GRM5: variants seen among roughly 807,000 people sequenced by gnomAD.
GRM5 encodes metabotropic glutamate receptor 5.
GRM5 carries 19 observed loss-of-function variants against 83.1 expected under a neutral mutation model. That is an observed-to-expected ratio of 0.23 (90% CI 0.16 to 0.34). GRM5 has a LOEUF of 0.34. GRM5 is among the 10% of genes least tolerant of loss of function. The pLI is 1.00. For synonymous variants in GRM5, 675 were observed against 633.6 expected, an observed-to-expected ratio of 1.07 and a Z score of -0.98; for missense variants, 1,160 against 1,588.3, an observed-to-expected ratio of 0.73 and a Z score of 4.58.
intron 8 of GRM5, among the ~76,000 whole-genome samples, chr11:88,526,203 T>C (rs1166683187): frequency 6.6e-6 from 1 of 152,214 alleles, no homozygotes; most frequent in Non-Finnish European, 1.5e-5. Context: ...GCTTTGAAGA[T>C]ACCAGATATT....
chr11:88,531,803 T>C (rs1013495384), intron 8 of GRM5, among the ~76,000 whole-genome samples: 4 of 152,098 alleles, frequency 2.6e-5, no homozygotes, highest in African/African-American at 7.2e-5. Context: ...TTCCAATAGA[T>C]AAAATTGTCT....
intron 3 of GRM5, among the ~76,000 whole-genome samples, chr11:88,827,033 T>C (rs928078525): frequency 2.6e-5 from 4 of 152,210 alleles, no homozygotes; most frequent in Non-Finnish European, 5.9e-5. Context: ...TTATTTGTAA[T>C]GGAGTATTTT....
At chr11:88,585,815 A>G (rs997506543) in intron 7 of GRM5, among the ~76,000 whole-genome samples, 1 of 152,186 alleles carries the variant, frequency 6.6e-6, no homozygotes, top group African/African-American at 2.4e-5. Flanking sequence ...ATTTACTGCT[A>G]GCATAGGTAC....
chr11:88,786,479 T>C (rs1943070586), intron 3 of GRM5, among the ~76,000 whole-genome samples: 1 of 152,126 alleles, frequency 6.6e-6, no homozygotes, highest in African/African-American at 2.4e-5. Context: ...TCTACTCTCT[T>C]TAGCTTTTTG....
At chr11:88,890,826 T>C (rs976829208) in intron 2 of GRM5, among the ~76,000 whole-genome samples, 2 of 152,042 alleles carry the variant, frequency 1.3e-5, no homozygotes, top group African/African-American at 4.8e-5. Flanking sequence ...TCTCAACAAA[T>C]GTAAAACTTG....
intron 2 of GRM5, among the ~76,000 whole-genome samples, chr11:88,930,663 T>A (rs1186981561): frequency 6.6e-6 from 1 of 152,030 alleles, no homozygotes; most frequent in Non-Finnish European, 1.5e-5. Flanking sequence ...TTCTCCTGCC[T>A]CAGCTTCCTG....
chr11:89,053,468 A>C (rs557730994), intron 1 of GRM5, among the ~76,000 whole-genome samples: 1 of 152,338 alleles, frequency 6.6e-6, no homozygotes, highest in East Asian at 1.9e-4. Context: ...AATAGACCTG[A>C]AAGGAATACA....
intron 1 of GRM5, among the ~76,000 whole-genome samples, chr11:89,057,606 A>G (rs114361285): frequency 0.018 from 2,734 of 152,326 alleles, 80 homozygotes; most frequent in African/African-American, 0.063. Flanking sequence ...AGCCTTCTGC[A>G]GCAAAGCAAT....
intron 8 of GRM5, among the ~76,000 whole-genome samples, chr11:88,531,933 C>G (rs1465482101): frequency 1.3e-5 from 2 of 151,976 alleles, no homozygotes; most frequent in Non-Finnish European, 2.9e-5. Flanking sequence ...GTTTTCCATT[C>G]CTAAGCTAGC....
intron 3 of GRM5, among the ~76,000 whole-genome samples, chr11:88,744,070 C>T (rs118022648): frequency 7.1e-4 from 108 of 152,210 alleles, no homozygotes; most frequent in Middle Eastern, 3.4e-3. Context: ...CATCCTATAT[C>T]ACAATTTTAA....
At chr11:88,967,272 T>C (rs868386167) in intron 2 of GRM5, among the ~76,000 whole-genome samples, 6 of 138,738 alleles carry the variant, frequency 4.3e-5, no homozygotes, top group Non-Finnish European at 7.5e-5. Flanking sequence ...TATATATATA[T>C]ATATAAAATC....
intron 2 of GRM5, among the ~76,000 whole-genome samples, chr11:88,969,732 A>T (rs1206521329): frequency 6.6e-6 from 1 of 152,104 alleles, no homozygotes; most frequent in Non-Finnish European, 1.5e-5. Flanking sequence ...GAAGAAATAA[A>T]CTGATGTCAA....
chr11:88,702,972 C>T (rs572632568), intron 3 of GRM5, among the ~76,000 whole-genome samples: 10 of 152,002 alleles, frequency 6.6e-5, no homozygotes, highest in South Asian at 4.1e-4. Context: ...TTAAGCCATT[C>T]GATCGGTGAT....
At chr11:89,034,513 T>C (rs767097280) in intron 2 of GRM5, among the ~76,000 whole-genome samples, 2 of 151,894 alleles carry the variant, frequency 1.3e-5, no homozygotes, top group Non-Finnish European at 3.0e-5. Context: ...TATGCAGCCA[T>C]GGCTTTGTAT....
chr11:88,928,476 A>ATT (rs1221907234), intron 2 of GRM5, among the ~76,000 whole-genome samples: 2,721 of 27,398 alleles, frequency 0.099, 86 homozygotes, highest in African/African-American at 0.12. Context: ...ATATATATAT[A>ATT]TATATATGTA....
chr11:88,833,052 G>A (rs1309845347), intron 3 of GRM5, among the ~76,000 whole-genome samples: 1 of 151,990 alleles, frequency 6.6e-6, no homozygotes, highest in East Asian at 1.9e-4. Context: ...CATTGGGCTA[G>A]GCAAAGATTT....
chr11:88,599,093 A>G (rs188430054), intron 5 of GRM5, among the ~76,000 whole-genome samples: 89 of 152,352 alleles, frequency 5.8e-4, no homozygotes, highest in African/African-American at 1.9e-3. Flanking sequence ...CTAAGAGATC[A>G]TATTTTCCTT....
chr11:88,552,145 C>A (rs1462806498), intron 8 of GRM5, among the ~76,000 whole-genome samples: 1 of 151,976 alleles, frequency 6.6e-6, no homozygotes, highest in Non-Finnish European at 1.5e-5. Flanking sequence ...CCACCTCAGC[C>A]TCCTGAGTAA....
intron 3 of GRM5, among the ~76,000 whole-genome samples, chr11:88,659,559 T>C (rs1377118405): frequency 2.6e-5 from 4 of 152,192 alleles, no homozygotes; most frequent in Non-Finnish European, 2.9e-5. Flanking sequence ...CACCATTGTA[T>C]GCTTATACTA....
Sources: gnomAD v4.1 joint callset for allele counts (sites outside exome capture counted in the v4.1 genomes callset) on GRCh38, gnomAD v4.1.1 for gene constraint, MANE v1.5 for transcripts, NCBI Gene and HGNC (gene_info 2026-07-23, HGNC 2026-07-21) for gene names.